The following SLC60A2 variants were observed in gnomAD, a reference collection of about 807,000 sequenced individuals.
SLC60A2 encodes solute carrier family 60 member 2.
chr6:111,262,287 T>C, the SLC60A2 span: 1 of 1,614,144 alleles, frequency 6.2e-7, no homozygotes, highest in Non-Finnish European at 8.5e-7. Flanking sequence ...GGGACCCACG[T>C]TTCAAGATTT....
chr6:111,259,750 T>A, the SLC60A2 span: 1 of 1,566,254 alleles, frequency 6.4e-7, no homozygotes, highest in Middle Eastern at 1.7e-4. Flanking sequence ...GCTGCAACAC[T>A]CCCAGGCCGG....
chr6:111,268,386 G>GT, the SLC60A2 span: 1 of 152,106 alleles, frequency 6.6e-6, no homozygotes, highest in Admixed American at 6.6e-5. Flanking sequence ...TTAATGGACA[G>GT]TTTTTTCCCA....
the SLC60A2 span, chr6:111,262,431 T>G: frequency 6.2e-7 from 1 of 1,607,464 alleles, no homozygotes; most frequent in Non-Finnish European, 8.5e-7. Flanking sequence ...TTTGGGTAAG[T>G]AAATGCTAAT....
the SLC60A2 span, among the ~76,000 whole-genome samples, chr6:111,279,632 A>G: frequency 1.3e-5 from 2 of 152,188 alleles, no homozygotes; most frequent in African/African-American, 4.8e-5. Context: ...AGTGCAGGAA[A>G]TATTGCTGTT....
chr6:111,269,231 ACT>A, the SLC60A2 span: 1 of 151,648 alleles, frequency 6.6e-6, no homozygotes, highest in Admixed American at 6.6e-5. Context: ...ATGGTGTCTC[ACT>A]CTGTCACTCA....
the SLC60A2 span, among the ~76,000 whole-genome samples, chr6:111,277,237 G>T: frequency 1.6e-4 from 24 of 152,322 alleles, no homozygotes; most frequent in African/African-American, 5.5e-4. Flanking sequence ...GCAGGTCCTG[G>T]GATGGATGGC....
chr6:111,277,945 C>T, the SLC60A2 span: 1 of 152,134 alleles, frequency 6.6e-6, no homozygotes, highest in African/African-American at 2.4e-5. Context: ...TCCAAAGACC[C>T]TTGGGCTGAC....
the SLC60A2 span, among the ~76,000 whole-genome samples, chr6:111,271,450 A>G: frequency 6.6e-6 from 1 of 152,106 alleles, no homozygotes; most frequent in Non-Finnish European, 1.5e-5. Context: ...TTTCCTAAGT[A>G]AAGGGTAAAA....
At chr6:111,271,438 A>G in the SLC60A2 span, among the ~76,000 whole-genome samples, 1 of 152,112 alleles carries the variant, frequency 6.6e-6, no homozygotes, top group African/African-American at 2.4e-5. Flanking sequence ...ACATTTCTCA[A>G]ATTTCCTAAG....
the SLC60A2 span, among the ~76,000 whole-genome samples, chr6:111,275,731 T>C: frequency 6.6e-6 from 1 of 152,194 alleles, no homozygotes; most frequent in African/African-American, 2.4e-5. Context: ...TTGTTGAGAT[T>C]ATACGATGCT....
chr6:111,272,199 T>C, the SLC60A2 span, among the ~76,000 whole-genome samples: 1 of 151,966 alleles, frequency 6.6e-6, no homozygotes, highest in Non-Finnish European at 1.5e-5. Context: ...GACAGGGTTT[T>C]GCCATGTTGG....
chr6:111,276,993 A>T, the SLC60A2 span, among the ~76,000 whole-genome samples: 86 of 152,160 alleles, frequency 5.7e-4, 2 homozygotes, highest in Non-Finnish European at 1.0e-4. Context: ...AGTAGATGCC[A>T]TTGCCCTTAT....
At chr6:111,262,442 T>G in the SLC60A2 span, 4 of 1,596,660 alleles carry the variant, frequency 2.5e-6, no homozygotes, top group Non-Finnish European at 3.4e-6. Flanking sequence ...AAATGCTAAT[T>G]TTAGCTTCTT....
chr6:111,260,292 AC>A, the SLC60A2 span, among the ~76,000 whole-genome samples: 2 of 152,122 alleles, frequency 1.3e-5, no homozygotes, highest in African/African-American at 2.4e-5. Context: ...TGCTCTCCGC[AC>A]CCACCCACTC....
At chr6:111,272,399 AG>A in the SLC60A2 span, among the ~76,000 whole-genome samples, 1 of 152,142 alleles carries the variant, frequency 6.6e-6, no homozygotes, top group African/African-American at 2.4e-5. Flanking sequence ...TCTTTGTGTT[AG>A]GAAAATTCCA....
At chr6:111,273,702 T>C in the SLC60A2 span, among the ~76,000 whole-genome samples, 17 of 151,966 alleles carry the variant, frequency 1.1e-4, no homozygotes, top group Non-Finnish European at 1.5e-4. Flanking sequence ...CAACTACTAT[T>C]GTAGTTGGAG....
the SLC60A2 span, among the ~76,000 whole-genome samples, chr6:111,277,629 T>C: frequency 6.6e-6 from 1 of 152,254 alleles, no homozygotes; most frequent in South Asian, 2.1e-4. Flanking sequence ...ACAAAATTTC[T>C]ATCAGCGGAA....
chr6:111,275,495 C>G, the SLC60A2 span, among the ~76,000 whole-genome samples: 8 of 151,628 alleles, frequency 5.3e-5, no homozygotes, highest in African/African-American at 1.9e-4. Context: ...CTGCAACCTC[C>G]AGCTCCTGGG....
the SLC60A2 span, among the ~76,000 whole-genome samples, chr6:111,275,121 G>A: frequency 4.7e-5 from 7 of 147,538 alleles, no homozygotes; most frequent in African/African-American, 7.5e-5. Context: ...GTCTCATTTC[G>A]TTGCCCAGGC....
Sources: gnomAD v4.1 joint callset for allele counts (sites outside exome capture counted in the v4.1 genomes callset) on GRCh38, gnomAD v4.1.1 for gene constraint, MANE v1.5 for transcripts, NCBI Gene and HGNC (gene_info 2026-07-23, HGNC 2026-07-21) for gene names.